PRIM2: variants seen among roughly 807,000 people sequenced by gnomAD.
The protein encoded by PRIM2 is DNA primase large subunit.
In PRIM2, 39 loss-of-function variants were observed where a neutral mutation model predicts 67.3. That is an observed-to-expected ratio of 0.58 (90% CI 0.45 to 0.76). The LOEUF is 0.76. Among genes scored for constraint, PRIM2 ranks in the 30% least tolerant of loss-of-function variants. PRIM2 has a pLI of 0.00. For missense variants in PRIM2, 398 were observed against 598.7 expected, an observed-to-expected ratio of 0.66 and a Z score of 3.50; for synonymous variants, 143 against 198.7, an observed-to-expected ratio of 0.72 and a Z score of 2.36.
intron 5 of PRIM2, among the ~76,000 whole-genome samples, chr6:57,365,823 G>C (rs772204548): frequency 6.6e-6 from 1 of 152,116 alleles, no homozygotes; most frequent in Admixed American, 6.5e-5. Context: ...GCTGGGCATG[G>C]TGGCGCGTTA....
the PRIM2 span, among the ~76,000 whole-genome samples, chr6:57,252,229 T>A: frequency 6.6e-6 from 1 of 152,352 alleles, no homozygotes; most frequent in East Asian, 1.9e-4. Context: ...CCTTAATTGG[T>A]CTACAGAATG....
chr6:57,321,146 C>T (rs948742641), intron 3 of PRIM2, among the ~76,000 whole-genome samples: 12 of 151,964 alleles, frequency 7.9e-5, no homozygotes, highest in African/African-American at 2.4e-4. Context: ...AGAAGGGGAC[C>T]GGTTGAAGAG....
chr6:57,343,535 C>A (rs1768566608), intron 5 of PRIM2, among the ~76,000 whole-genome samples: 1 of 152,122 alleles, frequency 6.6e-6, no homozygotes, highest in East Asian at 1.9e-4. Context: ...ACAGGACACA[C>A]AGATGTAACA....
At chr6:57,413,314 G>T (rs545039221) in intron 7 of PRIM2, among the ~76,000 whole-genome samples, 51 of 152,086 alleles carry the variant, frequency 3.4e-4, no homozygotes, top group African/African-American at 1.2e-3. Context: ...ATGGATAAAA[G>T]AAAATGTGAA....
the PRIM2 span, among the ~76,000 whole-genome samples, chr6:57,222,559 G>A: frequency 1.3e-5 from 2 of 152,248 alleles, no homozygotes; most frequent in Non-Finnish European, 2.9e-5. Context: ...GGCTTGCCCC[G>A]CTTCGGACAC....
chr6:57,458,927 T>C (rs9370607), intron 7 of PRIM2, among the ~76,000 whole-genome samples: 73,077 of 152,092 alleles, frequency 0.48, 18,840 homozygotes, highest in South Asian at 0.62. Flanking sequence ...AGAAGACCTG[T>C]GAAGAGGACC....
intron 11 of PRIM2, among the ~76,000 whole-genome samples, chr6:57,605,001 T>A (rs1249861798): frequency 1.3e-5 from 2 of 152,206 alleles, no homozygotes; most frequent in Non-Finnish European, 2.9e-5. Flanking sequence ...GGATATTGGA[T>A]TTTATTGAAA....
At chr6:57,495,188 A>G (rs1554346258) in intron 7 of PRIM2, among the ~76,000 whole-genome samples, 5 of 152,198 alleles carry the variant, frequency 3.3e-5, no homozygotes, top group Admixed American at 1.3e-4. Flanking sequence ...AGTCTCATTT[A>G]TTTTTAAAGA....
chr6:57,446,158 CA>C (rs1772355987), intron 7 of PRIM2, among the ~76,000 whole-genome samples: 1 of 152,146 alleles, frequency 6.6e-6, no homozygotes, highest in Non-Finnish European at 1.5e-5. Context: ...AGCCAGATAG[CA>C]TTGTTTCTGA....
At chr6:57,582,803 A>G (rs1261150018) in intron 10 of PRIM2, among the ~76,000 whole-genome samples, 2 of 131,928 alleles carry the variant, frequency 1.5e-5, no homozygotes, top group African/African-American at 6.0e-5. Flanking sequence ...TATTATTATT[A>G]TACTTTAAGT....
At chr6:57,330,384 T>TTTTTTG (rs1768018261) in intron 5 of PRIM2, among the ~76,000 whole-genome samples, 8 of 35,136 alleles carry the variant, frequency 2.3e-4, no homozygotes, top group African/African-American at 6.2e-4. Context: ...TGTTTTTTTG[T>TTTTTTG]TTTTTTTTTT....
At chr6:57,467,398 C>T (rs1773230877) in intron 7 of PRIM2, among the ~76,000 whole-genome samples, 1 of 152,022 alleles carries the variant, frequency 6.6e-6, no homozygotes, top group African/African-American at 2.4e-5. Flanking sequence ...TTCCCCATTG[C>T]TTGTTTTTGT....
the PRIM2 span, among the ~76,000 whole-genome samples, chr6:57,231,697 T>C: frequency 1.2e-4 from 19 of 152,192 alleles, no homozygotes; most frequent in Admixed American, 8.5e-4. Flanking sequence ...AAAACAAATA[T>C]TTTGTTGGAA....
chr6:57,636,838 C>T (rs1184842735), intron 13 of PRIM2, among the ~76,000 whole-genome samples: 1 of 152,234 alleles, frequency 6.6e-6, no homozygotes, highest in African/African-American at 2.4e-5. Context: ...GCAGCTTCAG[C>T]AGACTTAAAC....
At chr6:57,626,728 G>A (rs1776955054) in intron 12 of PRIM2, among the ~76,000 whole-genome samples, 2 of 151,358 alleles carry the variant, frequency 1.3e-5, no homozygotes, top group African/African-American at 4.9e-5. Context: ...CGACTCAAGC[G>A]AACCTCCCGC....
intron 5 of PRIM2, among the ~76,000 whole-genome samples, chr6:57,375,421 T>C (rs1769728885): frequency 6.6e-6 from 1 of 152,242 alleles, no homozygotes; most frequent in Non-Finnish European, 1.5e-5. Flanking sequence ...TGAAGCCAAG[T>C]TGATCGTGGT....
At chr6:57,299,939 C>T in the PRIM2 span, among the ~76,000 whole-genome samples, 1 of 152,082 alleles carries the variant, frequency 6.6e-6, no homozygotes, top group Non-Finnish European at 1.5e-5. Context: ...CTTTCTTTTG[C>T]CAAGCACCAC....
At chr6:57,557,596 A>C (rs1337790413) in intron 10 of PRIM2, among the ~76,000 whole-genome samples, 5 of 151,864 alleles carry the variant, frequency 3.3e-5, no homozygotes, top group African/African-American at 1.2e-4. Flanking sequence ...AGAAGGGAAC[A>C]ACAGACACTG....
intron 7 of PRIM2, among the ~76,000 whole-genome samples, chr6:57,486,794 G>C (rs1422484494): frequency 1.3e-5 from 2 of 152,202 alleles, no homozygotes; most frequent in African/African-American, 4.8e-5. Context: ...AACTTGGCTT[G>C]GTGAGATGGA....
Sources: allele counts gnomAD v4.1 joint callset (sites outside exome capture counted in the v4.1 genomes callset), GRCh38; gene constraint gnomAD v4.1.1; transcripts MANE v1.5; gene names NCBI Gene and HGNC (gene_info 2026-07-23, HGNC 2026-07-21).